Variants in DYNC2I2 observed in about 807,000 individuals in gnomAD.
DYNC2I2 encodes dynein 2 intermediate chain 2, also known as cytoplasmic dynein 2 intermediate chain 2.
Under a neutral mutation model 52.0 loss-of-function variants are expected in DYNC2I2, and 39 were observed. That is an observed-to-expected ratio of 0.75 (90% confidence interval 0.58 to 0.98). The LOEUF (loss-of-function observed/expected upper bound fraction) is 0.98. Ranked by LOEUF, DYNC2I2 falls within the 50% of genes least tolerant of loss-of-function variation. The pLI, the probability that DYNC2I2 is intolerant of heterozygous loss-of-function variation, is 0.00. For synonymous variants in DYNC2I2, 359 were observed against 321.1 expected, an observed-to-expected ratio of 1.12 and a Z score of -1.26; for missense variants, 743 against 728.4, an observed-to-expected ratio of 1.02 and a Z score of -0.23.
At chr9:128,662,697 A>G in the DYNC2I2 span, among the ~76,000 whole-genome samples, 337 of 152,214 alleles carry the variant, frequency 2.2e-3, 1 homozygote, top group African/African-American at 7.5e-3. Context: ...CTCCTGCTTC[A>G]GCCTACAGAG....
intron 2 of DYNC2I2, among the ~76,000 whole-genome samples, chr9:128,640,174 ATT>A (rs1031032594): frequency 6.6e-6 from 1 of 150,642 alleles, no homozygotes; most frequent in African/African-American, 2.4e-5. Context: ...CGCCCGGCTA[ATT>A]TTTTTTTGTA....
chr9:128,643,642 T>G (rs1156631442), intron 1 of DYNC2I2, among the ~76,000 whole-genome samples: 1 of 151,656 alleles, frequency 6.6e-6, no homozygotes, highest in Non-Finnish European at 1.5e-5. Flanking sequence ...CAGTGAGCAG[T>G]TGATTGTGCC....
At chr9:128,649,688 C>CAAAAAAAAAAAAAAAAAAAAAAAAAA (rs34154610) in intron 1 of DYNC2I2, among the ~76,000 whole-genome samples, 1 of 47,230 alleles carries the variant, frequency 2.1e-5, no homozygotes, top group African/African-American at 1.4e-4. Context: ...GACTCCATCT[C>CAAAAAAAAAAAAAAAAAAAAAAAAAA]AAAAAAAAAA....
chr9:128,635,891 G>T, intron 4 of DYNC2I2, 124 bp from the exon 5 acceptor site: 1 of 883,482 alleles, frequency 1.1e-6, no homozygotes, highest in Non-Finnish European at 1.8e-6. Context: ...CCACTTGGCT[G>T]GAAGTCATCC....
chr9:128,641,395 C>G (rs1042645135), intron 1 of DYNC2I2, among the ~76,000 whole-genome samples: 1 of 152,086 alleles, frequency 6.6e-6, no homozygotes, highest in Admixed American at 6.6e-5. Flanking sequence ...CCTCCCAGCA[C>G]CCGGGTAAGC....
At chr9:128,675,554 T>C in the DYNC2I2 span, among the ~76,000 whole-genome samples, 5 of 152,248 alleles carry the variant, frequency 3.3e-5, no homozygotes, top group Admixed American at 3.3e-4. Context: ...TAAAGATGGA[T>C]GGGAGGATTC....
rs1326005870 is a variant in DYNC2I2, at chr9:128,633,688, C to T, written c.*56G>A. ...GCTTTGCTTTTCTTCATTTGGCTTG[C>T]GTCAGAAACACAAGGCTCGGCACAG... On this transcript the variant is annotated 3_prime_UTR_variant, in exon 9 of 9. Coordinates refer to ENST00000372715, the MANE Select transcript of DYNC2I2 (RefSeq NM_052844.4). 6 of 1,539,686 alleles carry T rather than the reference C, an allele frequency of 3.9e-6. No homozygotes were observed. The highest frequency in any genetic ancestry group is 3.9e-5 in the Admixed American group (2 of 51,920).
chr9:128,656,577 C>G lies in DYNC2I2; in HGVS notation c.150G>C (p.Ser50=). The G allele has an allele frequency of 6.8e-7, 1 of 1,480,770 alleles. No homozygotes were observed. 91.7% of individuals were successfully genotyped at this position (1,480,770 alleles called of 1,614,324 possible). The change falls in exon 1 of 9, where the codon TCG becomes TCC. Residue 50 remains serine (S), a synonymous_variant. Coordinates refer to ENST00000372715, the MANE Select transcript of DYNC2I2 (RefSeq NM_052844.4). The part of the protein sequence containing the change: ...DETLGVASVP[S]QWRAVQGIRW... ...GGATGCCCTGGACGGCCCTCCACTG[C>G]GAGGGCACGGACGCCACACCCAGGG...
At chr9:128,634,102 T>C in intron 8 of DYNC2I2, 120 bp from the exon 9 acceptor site, 1 of 1,555,004 alleles carries the variant, frequency 6.4e-7, no homozygotes, top group South Asian at 1.2e-5. Flanking sequence ...TTGAGTTGGG[T>C]TGCTGGAGGG....
chr9:128,668,401 G>A, the DYNC2I2 span, among the ~76,000 whole-genome samples: 1 of 152,088 alleles, frequency 6.6e-6, no homozygotes, highest in Non-Finnish European at 1.5e-5. Context: ...TATTGGCCAG[G>A]ATGGTCTCCA....
chr9:128,673,566 T>C, the DYNC2I2 span, among the ~76,000 whole-genome samples: 3 of 149,628 alleles, frequency 2.0e-5, no homozygotes, highest in Non-Finnish European at 4.4e-5. Flanking sequence ...AGTGCAGTGG[T>C]GCAATCTCGG....
At chr9:128,670,684 C>A in the DYNC2I2 span, among the ~76,000 whole-genome samples, 1 of 150,178 alleles carries the variant, frequency 6.7e-6, no homozygotes, top group Non-Finnish European at 1.5e-5. Flanking sequence ...TGTAGTGAGC[C>A]GAGATCACAC....
intron 1 of DYNC2I2, among the ~76,000 whole-genome samples, chr9:128,655,330 T>C (rs2132186056): frequency 1.5e-4 from 1 of 6,876 alleles, no homozygotes; most frequent in Non-Finnish European, 1.0e-3. Flanking sequence ...AAACCCCGTC[T>C]CTACTAAAAA....
Position 128,634,509 on chromosome 9 carries a change from A to G in DYNC2I2, c.1215-126T>C, listed in dbSNP as rs1226332239. ...GAGCCTCCCGGGTCCCTCAGCCTGGAGTTGGTCCTCTCATTAGAGAAGGGA... is the reference window on the plus strand; with the variant it reads ...GAGCCTCCCGGGTCCCTCAGCCTGGGGTTGGTCCTCTCATTAGAGAAGGGA... On this transcript the variant is annotated intron_variant, in intron 7 of 8. Transcript: ENST00000372715. The G allele has an allele frequency of 2.2e-6, 3 of 1,371,292 alleles. No individual in the cohort carries two copies. In the African/African-American group the frequency reaches 4.4e-5, roughly 20 times the overall value. The allele number at this position is 1,371,292 out of a possible 1,614,324, so 84.9% of individuals were successfully genotyped here. A position where few individuals can be genotyped will look rare whatever the true frequency, so the allele number is the denominator to read the frequency against.
chr9:128,680,596 C>A, the DYNC2I2 span, among the ~76,000 whole-genome samples: 1 of 151,772 alleles, frequency 6.6e-6, no homozygotes, highest in East Asian at 1.9e-4. Flanking sequence ...CCTGGATGGT[C>A]TCGATCTCCT....
At chr9:128,667,393 T>C in the DYNC2I2 span, among the ~76,000 whole-genome samples, 92 of 151,948 alleles carry the variant, frequency 6.1e-4, no homozygotes, top group African/African-American at 2.1e-3. Flanking sequence ...TGGCACAATC[T>C]CAGCTTGCTG....
In DYNC2I2 at chr9:128,635,758, TAC is replaced by T; in HGVS notation, c.711_712del (p.Tyr238GlnfsTer3). 6.2e-7 allele frequency: 1 copy of T among 1,612,458 alleles called. No homozygotes were observed. The highest frequency in any genetic ancestry group is 8.5e-7 in the Non-Finnish European group (1 of 1,179,330). ...GTCCCACACCAACACCTCACCACTG[TAC>T]AGCCCTCCTGCAGGGACAGTGGACC... On this transcript the variant is annotated frameshift_variant, in exon 5 of 9. Transcript: ENST00000372715. LOFTEE classifies it high-confidence loss of function.
intron 8 of DYNC2I2, 39 bp downstream of exon 8, chr9:128,634,187 A>G: frequency 6.2e-7 from 1 of 1,610,246 alleles, no homozygotes. Flanking sequence ...CAGACCACCC[A>G]CCCCTTAAAC....
At chr9:128,657,554 G>A (rs1046364128), upstream of DYNC2I2, among the ~76,000 whole-genome samples, 3 of 152,076 alleles carry the variant, frequency 2.0e-5, no homozygotes, top group Non-Finnish European at 4.4e-5. Flanking sequence ...TGTAATCCCG[G>A]TACTTTGAGA....
Sources: gnomAD v4.1 joint callset for allele counts (sites outside exome capture counted in the v4.1 genomes callset) on GRCh38, gnomAD v4.1.1 for gene constraint, MANE v1.5 for transcripts, NCBI Gene and HGNC (gene_info 2026-07-23, HGNC 2026-07-21) for gene names.